NHS: variants seen among roughly 807,000 people sequenced by gnomAD.
NHS encodes NHS actin remodeling regulator.
A neutral mutation model predicts 72.5 loss-of-function variants in NHS; 5 were observed. The observed-to-expected ratio is 0.07, with a 90% CI of 0.04 to 0.14. The LOEUF (loss-of-function observed/expected upper bound fraction) is 0.14. Ranked by LOEUF, NHS falls within the 10% of genes least tolerant of loss-of-function variation. NHS has a pLI of 1.00. For synonymous variants in NHS, 464 were observed against 547.7 expected (o/e 0.85, Z 2.13); for missense variants, 1,072 against 1,355.7 (o/e 0.79, Z 3.29).
In NHS at chrX:17,521,366, C is replaced by CTTTTTTTTTTT. The variant is rs766662277; in HGVS notation, c.565+145047_565+145057dup. Among the ~76,000 whole-genome samples the CTTTTTTTTTTT allele has an allele frequency of 2.1e-3, 205 of 97,316 alleles. 11 individuals carry two copies. The highest frequency in any genetic ancestry group is 8.0e-3 in the African/African-American group (185 of 23,127). The allele number at this position is 97,316 out of a possible 115,157, so 84.5% of individuals were successfully genotyped here. A position where few individuals can be genotyped will look rare whatever the true frequency, so the allele number is the denominator to read the frequency against. Reference sequence around the variant, plus strand: ...AGTTCTACCTTTTTCTCCCTTCCCTCTTTTTTTTTTTTTGAGACAGGGTCT... The same window carrying CTTTTTTTTTTT: ...AGTTCTACCTTTTTCTCCCTTCCCTCTTTTTTTTTTTTTTTTTTTTTTTTGAGACAGGGTCT... On this transcript the variant is annotated intron_variant, in intron 1 of 8. Transcript: ENST00000676302.
At chrX:17,639,976 G>T (rs994380389) in intron 1 of NHS, among the ~76,000 whole-genome samples, 10 of 112,229 alleles carry the variant, frequency 8.9e-5, no homozygotes, top group African/African-American at 3.2e-4. Context: ...GATGTATCAA[G>T]TTTTCGGTAA....
rs753383329 is a variant in NHS at position 17,505,847 on chromosome X, A to C, written c.565+129525A>C. 2.7e-5 allele frequency among the ~76,000 whole-genome samples: 3 copies of C among 111,115 alleles called. No individual in the cohort carries two copies. The East Asian group carries it at 8.5e-4, about 32-fold the overall frequency. On this transcript the variant is annotated intron_variant, in intron 1 of 8. Coordinates refer to ENST00000676302, the MANE Select transcript of NHS (RefSeq NM_001291867.2). ...TGAGTGTGTGTGCATGTGCCTGTAT[A>C]TGCATGTGTGTGCTTCTGTAATGGG...
Position 17,600,965 on chromosome X carries a change from A to G in NHS, c.566-86777A>G, listed in dbSNP as rs143714200. Among the ~76,000 whole-genome samples the G allele has an allele frequency of 3.3e-4, 37 of 112,206 alleles. No homozygotes were observed. In the East Asian group the frequency reaches 7.6e-3, roughly 23 times the overall value. ...CAAGATCAAACCTCTAGGAACAAAT[A>G]TAAAGGGACTCTAAAACAAGCAATT... On this transcript the variant is annotated intron_variant, in intron 1 of 8. Coordinates refer to ENST00000676302, the MANE Select transcript of NHS (RefSeq NM_001291867.2).
chrX:17,449,109 G>C (rs1169823070), intron 1 of NHS, among the ~76,000 whole-genome samples: 1 of 112,892 alleles, frequency 8.9e-6, no homozygotes, highest in East Asian at 2.8e-4. Flanking sequence ...CAGGTTGGCT[G>C]TTTCCAGCTC....
Position 17,375,960 on chromosome X carries a change from C to T in NHS, c.203C>T (p.Pro68Leu), listed in dbSNP as rs1439891885. Reference sequence around the variant, plus strand: ...GCCGTCCCTGCACCTTCAGGGCTGCCACCGCCGCCGCCGCCACTGCCCGCG... The same window carrying T: ...GCCGTCCCTGCACCTTCAGGGCTGCTACCGCCGCCGCCGCCACTGCCCGCG... ...ARAVPAPSGL[P>L]PPPPPLPAPA... The change falls in exon 1 of 9, where the codon CCA becomes CTA. Residue 68 changes from proline to leucine, a missense_variant. Pro to Leu is a moderately conservative substitution (Grantham distance 98). Transcript: ENST00000676302. The T allele has an allele frequency of 5.6e-6, 6 of 1,075,469 alleles. No individual in the cohort carries two copies. Among genetic ancestry groups the T allele is most frequent in the Non-Finnish European group, 7.2e-6 (6 of 833,486 alleles). The allele number at this position is 1,075,469 out of a possible 1,213,427, so 88.6% of individuals were successfully genotyped here. A position where few individuals can be genotyped will look rare whatever the true frequency, so the allele number is the denominator to read the frequency against.
At chrX:17,723,281 A>G (rs2066416287) in intron 5 of NHS, among the ~76,000 whole-genome samples, 1 of 112,140 alleles carries the variant, frequency 8.9e-6, no homozygotes, top group Non-Finnish European at 1.9e-5. Flanking sequence ...CTTAACAATC[A>G]GGATAAATGA....
chrX:17,672,291 C>T (rs2066052172), intron 1 of NHS, among the ~76,000 whole-genome samples: 1 of 111,698 alleles, frequency 9.0e-6, no homozygotes, highest in South Asian at 3.8e-4. Context: ...TCTTAGGAAT[C>T]TACTGTCTTC....
chrX:17,655,530 A>C (rs2065949715), intron 1 of NHS, among the ~76,000 whole-genome samples: 1 of 112,311 alleles, frequency 8.9e-6, no homozygotes, highest in Non-Finnish European at 1.9e-5. Flanking sequence ...GGCTGGCAGC[A>C]GGGGACGGAT....
chrX:17,422,565 T>C (rs2064629625), intron 1 of NHS, among the ~76,000 whole-genome samples: 1 of 111,776 alleles, frequency 8.9e-6, no homozygotes, highest in African/African-American at 3.3e-5. Flanking sequence ...CACTGTAGGA[T>C]GTTTAGCCAC....
At position 17,591,284 on chromosome X, in the gene NHS, T is replaced by G. The variant is rs72616043; in HGVS notation, c.566-96458T>G. Among the ~76,000 whole-genome samples the G allele has an allele frequency of 2.9e-3, 329 of 111,752 alleles. 4 individuals are homozygous for G. The East Asian group carries it at 0.067, about 23-fold the overall frequency. On this transcript the variant is annotated intron_variant, in intron 1 of 8. Coordinates refer to ENST00000676302, the MANE Select transcript of NHS (RefSeq NM_001291867.2). ...TAGGTCGTAGGGAGGGCACCCTGCATTTTGCAAACTTGTGCTTGCTGATCC... is the reference window on the plus strand; with the variant it reads ...TAGGTCGTAGGGAGGGCACCCTGCAGTTTGCAAACTTGTGCTTGCTGATCC...
intron 1 of NHS, among the ~76,000 whole-genome samples, chrX:17,484,013 A>C (rs961701154): frequency 8.9e-6 from 1 of 112,084 alleles, no homozygotes; most frequent in African/African-American, 3.2e-5. Context: ...AGGTGGTCCT[A>C]TTCCATTGGT....
chrX:17,498,817 T>A (rs981667748), intron 1 of NHS, among the ~76,000 whole-genome samples: 1 of 111,807 alleles, frequency 8.9e-6, no homozygotes, highest in African/African-American at 3.3e-5. Flanking sequence ...CTAGCCATGA[T>A]GTCCTCTCTC....
chrX:17,382,525 A>T (rs2064383045), intron 1 of NHS, among the ~76,000 whole-genome samples: 1 of 111,788 alleles, frequency 8.9e-6, no homozygotes, highest in African/African-American at 3.2e-5. Flanking sequence ...AGTTCTAGAA[A>T]TTTTTCATTT....
chrX:17,568,348 C>G (rs1226346857), intron 1 of NHS, among the ~76,000 whole-genome samples: 1 of 111,559 alleles, frequency 9.0e-6, no homozygotes, highest in Non-Finnish European at 1.9e-5. Context: ...ATATGGTTTG[C>G]CATATGTAAG....
chrX:17,467,588 T>A (rs768990134), intron 1 of NHS, among the ~76,000 whole-genome samples: 3 of 112,394 alleles, frequency 2.7e-5, no homozygotes, highest in Non-Finnish European at 5.6e-5. Context: ...TTTTAGAACC[T>A]GAATTTTCTC....
intron 1 of NHS, among the ~76,000 whole-genome samples, chrX:17,484,722 G>T (rs1269333144): frequency 5.5e-5 from 6 of 109,429 alleles, no homozygotes; most frequent in Non-Finnish European, 9.5e-5. Flanking sequence ...ATTAGGGCAG[G>T]TGGATGGTGA....
chrX:17,389,226 A>G (rs2064427323), intron 1 of NHS, among the ~76,000 whole-genome samples: 1 of 112,221 alleles, frequency 8.9e-6, no homozygotes, highest in African/African-American at 3.2e-5. Context: ...CCCTATTAAG[A>G]TAGAGAACAT....
At chrX:17,668,088 TAAAAA>T (rs3077323) in intron 1 of NHS, among the ~76,000 whole-genome samples, 14 of 63,626 alleles carry the variant, frequency 2.2e-4, no homozygotes, top group East Asian at 1.1e-3. Flanking sequence ...CCCATCTCTC[TAAAAA>T]AAAAAAAAAA....
At chrX:17,488,318 C>G (rs777870745) in intron 1 of NHS, among the ~76,000 whole-genome samples, 12 of 111,666 alleles carry the variant, frequency 1.1e-4, no homozygotes, top group African/African-American at 1.6e-4. Flanking sequence ...GCTCCCTTTC[C>G]CCCATTCTGA....
Sources: gnomAD v4.1 joint callset for allele counts (sites outside exome capture counted in the v4.1 genomes callset) on GRCh38, gnomAD v4.1.1 for gene constraint, MANE v1.5 for transcripts, NCBI Gene and HGNC (gene_info 2026-07-23, HGNC 2026-07-21) for gene names.